The following WDR7 variants were observed in gnomAD, a reference collection of about 807,000 sequenced individuals.
WDR7 encodes the protein WD repeat domain 7.
A neutral mutation model predicts 169.4 loss-of-function variants in WDR7; 46 were observed. The observed-to-expected ratio is 0.27, with a 90% confidence interval of 0.21 to 0.35. The LOEUF (loss-of-function observed/expected upper bound fraction) is 0.35. Among genes scored for constraint, WDR7 ranks in the 10% least tolerant of loss-of-function variants. The pLI, the probability that WDR7 is intolerant of heterozygous loss-of-function variation, is 1.00. For missense variants in WDR7, 1,534 were observed against 1,859.3 expected (o/e 0.83, Z 3.22); for synonymous variants, 612 against 666.8 (o/e 0.92, Z 1.27).
At chr18:56,728,877 C>G (rs2026520226) in intron 13 of WDR7, among the ~76,000 whole-genome samples, 1 of 152,182 alleles carries the variant, frequency 6.6e-6, no homozygotes, top group Non-Finnish European at 1.5e-5. Flanking sequence ...CTTCCCTCTG[C>G]ACCCTCTCAG....
At chr18:56,997,156 G>C (rs1265225134) in intron 26 of WDR7, among the ~76,000 whole-genome samples, 1 of 152,122 alleles carries the variant, frequency 6.6e-6, no homozygotes, top group Non-Finnish European at 1.5e-5. Flanking sequence ...GATAAACAAT[G>C]AATTGTTCAG....
chr18:56,760,396 A>G (rs28507552), intron 16 of WDR7, among the ~76,000 whole-genome samples: 2 of 152,156 alleles, frequency 1.3e-5, no homozygotes, highest in Non-Finnish European at 2.9e-5. Flanking sequence ...TCTAAACTCT[A>G]TTGTTTAATT....
intron 20 of WDR7, among the ~76,000 whole-genome samples, chr18:56,830,048 T>C (rs1364844937): frequency 3.3e-5 from 5 of 152,216 alleles, no homozygotes; most frequent in Non-Finnish European, 1.5e-5. Flanking sequence ...TTGGTTAGTG[T>C]ACTGTCCACA....
intron 12 of WDR7, among the ~76,000 whole-genome samples, chr18:56,705,644 C>G (rs1203620560): frequency 6.6e-6 from 1 of 152,140 alleles, no homozygotes; most frequent in East Asian, 1.9e-4. Flanking sequence ...ATAGATAGTA[C>G]TTGATAATAC....
chr18:57,022,288 C>A (rs940117317), intron 27 of WDR7, among the ~76,000 whole-genome samples: 5 of 152,206 alleles, frequency 3.3e-5, no homozygotes, highest in Non-Finnish European at 7.3e-5. Flanking sequence ...TCAGCTGTAC[C>A]TTCATACAAA....
rs563516491 is a variant in WDR7 at position 56,830,584 on chromosome 18, G to A, written c.3304+14440G>A. The stretch of plus-strand genomic sequence containing the variant: ...TGCTACCTCTAGATCACCTCTGGGC[G>A]CTGCACTATACATCTTCGATACTTG... On this transcript the variant is annotated intron_variant, in intron 20 of 27. Coordinates refer to ENST00000254442, the MANE Select transcript of WDR7 (RefSeq NM_015285.3). 5.3e-5 allele frequency among the ~76,000 whole-genome samples: 8 copies of A among 152,294 alleles called. No individual in the cohort carries two copies. In the South Asian group the frequency reaches 1.0e-3, roughly 20 times the overall value.
At chr18:56,946,441 A>G (rs776948214) in intron 25 of WDR7, among the ~76,000 whole-genome samples, 16 of 152,154 alleles carry the variant, frequency 1.1e-4, no homozygotes, top group Non-Finnish European at 2.4e-4. Flanking sequence ...AGGAACCTAG[A>G]ATGTGGGTTT....
At chr18:56,872,815 C>G (rs2045971497) in intron 20 of WDR7, 1 of 152,034 alleles carries the variant, frequency 6.6e-6, no homozygotes, top group Non-Finnish European at 1.5e-5. Context: ...AAAAAAATAC[C>G]AAATTTTCAT....
At chr18:56,912,591 G>T (rs192423998) in intron 21 of WDR7, among the ~76,000 whole-genome samples, 1 of 152,098 alleles carries the variant, frequency 6.6e-6, no homozygotes, top group Non-Finnish European at 1.5e-5. Flanking sequence ...TTTTTGTGAG[G>T]TTACCATTGG....
chr18:56,813,869 C>T (rs1230075518), intron 19 of WDR7, among the ~76,000 whole-genome samples: 4 of 152,196 alleles, frequency 2.6e-5, no homozygotes, highest in Non-Finnish European at 2.9e-5. Flanking sequence ...TTGTTTGTTC[C>T]TTAAGCTCTG....
chr18:56,691,815 G>C lies in WDR7; in HGVS notation c.964G>C (p.Glu322Gln), dbSNP rs1482290900. 2 of 1,604,134 alleles carry C rather than the reference G, an allele frequency of 1.2e-6. No homozygotes were observed. The highest frequency in any genetic ancestry group is 1.7e-5 in the Admixed American group (1 of 58,162). Residue 322 changes from glutamate to glutamine, a missense_variant and splice_region_variant, in exon 9 of 28, where the codon GAG becomes CAG. Physicochemically the swap from Glu to Gln is conservative, Grantham distance 29. Coordinates refer to ENST00000254442, the MANE Select transcript of WDR7 (RefSeq NM_015285.3). ...TATCCTCTTGGATCGAAAAGATAAA[G>C]AGGTAAAATTCTTGAGGTGTCATTT... ...QHILLDRKDK[E>Q]LLICPPVTRF... is the part of the protein sequence containing the mutation.
chr18:56,779,993 A>G (rs1382211150), intron 18 of WDR7, among the ~76,000 whole-genome samples: 1 of 152,206 alleles, frequency 6.6e-6, no homozygotes, highest in East Asian at 1.9e-4. Flanking sequence ...ACCTGGGTTT[A>G]AATATCAGTC....
Position 57,008,143 on chromosome 18 carries a change from G to A in WDR7, c.4165-12602G>A, listed in dbSNP as rs369397654. 8.5e-5 allele frequency among the ~76,000 whole-genome samples: 13 copies of A among 152,072 alleles called. No homozygotes were observed. The East Asian group carries it at 2.3e-3, about 27-fold the overall frequency. ...CCCTATCCGCCGCGCCCTCCCCAGG[G>A]TCTTCTTTCGTTTGTGCCTTCCCTG... is the stretch of plus-strand genomic sequence containing the variant. On this transcript the variant is annotated intron_variant, in intron 26 of 27. Coordinates refer to ENST00000254442, the MANE Select transcript of WDR7 (RefSeq NM_015285.3).
At chr18:56,693,531 T>C (rs1225136846) in intron 9 of WDR7, among the ~76,000 whole-genome samples, 1 of 151,530 alleles carries the variant, frequency 6.6e-6, no homozygotes, top group African/African-American at 2.4e-5. Context: ...GGTCCTCTAG[T>C]TGCACAAGCT....
chr18:56,746,032 C>G (rs2043696961), intron 14 of WDR7, among the ~76,000 whole-genome samples: 1 of 152,126 alleles, frequency 6.6e-6, no homozygotes, highest in Non-Finnish European at 1.5e-5. Flanking sequence ...CAGTGTGAAT[C>G]TTGTAAGATG....
intron 15 of WDR7, 75 bp downstream of exon 15, chr18:56,757,427 A>T: frequency 1.4e-6 from 2 of 1,399,646 alleles, no homozygotes; most frequent in South Asian, 1.6e-5. Flanking sequence ...ATTGTTGATT[A>T]CTCTTTTTTG....
At chr18:56,931,212 T>G (rs916009817) in intron 22 of WDR7, among the ~76,000 whole-genome samples, 6 of 152,124 alleles carry the variant, frequency 3.9e-5, no homozygotes, top group African/African-American at 1.4e-4. Context: ...ATAGGTGGGA[T>G]CAGATGACAC....
chr18:56,777,277 TAGAG>T (rs1361340296), intron 17 of WDR7, among the ~76,000 whole-genome samples: 1 of 152,212 alleles, frequency 6.6e-6, no homozygotes, highest in African/African-American at 2.4e-5. Context: ...GTATGCCAGT[TAGAG>T]GGAGTTGTGA....
chr18:56,874,937 C>G (rs1046600952), intron 20 of WDR7, among the ~76,000 whole-genome samples: 4 of 152,070 alleles, frequency 2.6e-5, no homozygotes, highest in Non-Finnish European at 5.9e-5. Flanking sequence ...CTCCTTTTTC[C>G]CTTACATACG....
Sources: gnomAD v4.1 joint callset for allele counts (sites outside exome capture counted in the v4.1 genomes callset) on GRCh38, gnomAD v4.1.1 for gene constraint, MANE v1.5 for transcripts, NCBI Gene and HGNC (gene_info 2026-07-23, HGNC 2026-07-21) for gene names.